Variants in PEX14 observed in about 807,000 individuals in gnomAD.
PEX14 encodes peroxisomal membrane protein PEX14.
Under a neutral mutation model 49.5 loss-of-function variants are expected in PEX14, and 15 were observed. That is an observed-to-expected ratio of 0.30 (90% CI 0.20 to 0.47). The LOEUF is 0.47. PEX14 is among the 20% of genes least tolerant of loss of function. The pLI is 1.00. For synonymous variants in PEX14, 210 were observed against 212.7 expected, an observed-to-expected ratio of 0.99 and a Z score of 0.11; for missense variants, 398 against 494.8, an observed-to-expected ratio of 0.80 and a Z score of 1.86.
chr1:10,576,898 A>T (rs4617401), intron 3 of PEX14, among the ~76,000 whole-genome samples: 93,102 of 151,470 alleles, frequency 0.61, 29,905 homozygotes, highest in Admixed American at 0.7. Flanking sequence ...CTGGGATTAC[A>T]GGTGCCACCA....
intron 2 of PEX14, chr1:10,535,795 G>T: frequency 3.0e-6 from 1 of 337,548 alleles, no homozygotes; most frequent in East Asian, 7.7e-5. Flanking sequence ...GTGTGTGTGC[G>T]TGTGTACGTG....
At chr1:10,581,305 C>CTTT (rs71583884) in intron 3 of PEX14, among the ~76,000 whole-genome samples, 16,268 of 126,774 alleles carry the variant, frequency 0.13, 1,550 homozygotes, top group African/African-American at 0.23. Flanking sequence ...CTTTGTTATC[C>CTTT]TTTTTTTTTT....
chr1:10,613,841 G>C lies in PEX14; in HGVS notation c.299-4491G>C, dbSNP rs1025723378. ...ACTTGCTACCTTGTCTGCCTTGTCTGCATGGCAGGCCAGTCCCTGCTTCCA... is the reference window on the plus strand; with the variant it reads ...ACTTGCTACCTTGTCTGCCTTGTCTCCATGGCAGGCCAGTCCCTGCTTCCA... On this transcript the variant is annotated intron_variant, in intron 4 of 8. Transcript: ENST00000356607. This position sits in a 1 kb window ranked among gnomAD's most constrained non-coding sequence, Gnocchi z 5.0. 7.2e-5 allele frequency among the ~76,000 whole-genome samples: 11 copies of C among 152,332 alleles called. No individual in the cohort carries two copies. Among genetic ancestry groups the C allele is most frequent in the African/African-American group, 2.6e-4 (11 of 41,586 alleles).
At chr1:10,577,307 G>C (rs896743849) in intron 3 of PEX14, among the ~76,000 whole-genome samples, 2 of 143,058 alleles carry the variant, frequency 1.4e-5, no homozygotes, top group Non-Finnish European at 3.0e-5. Flanking sequence ...TGAGGCAGGA[G>C]AATTGCTTGA....
chr1:10,587,212 T>C (rs564744847), intron 3 of PEX14, among the ~76,000 whole-genome samples: 64 of 152,256 alleles, frequency 4.2e-4, no homozygotes, highest in African/African-American at 1.5e-3. Context: ...ATCCCAGCAC[T>C]TTGGGAGGCC....
At chr1:10,621,885 G>A (rs961058555) in intron 5 of PEX14, among the ~76,000 whole-genome samples, 7 of 152,118 alleles carry the variant, frequency 4.6e-5, no homozygotes, top group South Asian at 4.1e-4. Context: ...TACAGAAACC[G>A]TAATGGAGAA....
intron 5 of PEX14, among the ~76,000 whole-genome samples, chr1:10,619,695 A>G (rs2124634910): frequency 6.6e-6 from 1 of 152,354 alleles, no homozygotes; most frequent in South Asian, 2.1e-4. Context: ...ATGGTCAGCC[A>G]TGGTATTCCA....
In PEX14 at chr1:10,577,548, ATATATATATATATATTTTTTTTTTTTT is replaced by A. The variant is rs1640167113; in HGVS notation, c.170-21688_170-21662del. Among the ~76,000 whole-genome samples the A allele has an allele frequency of 4.0e-4, 3 of 7,572 alleles. 1 individual carries two copies. The highest frequency in any genetic ancestry group is 0.05 in the Middle Eastern group (2 of 40). The allele number at this position is 7,572 out of a possible 152,430, so 5.0% of individuals were successfully genotyped here. A position where few individuals can be genotyped will look rare whatever the true frequency, so the allele number is the denominator to read the frequency against. On this transcript the variant is annotated intron_variant, in intron 3 of 8. Coordinates refer to ENST00000356607, the MANE Select transcript of PEX14 (RefSeq NM_004565.3). ...ACTATACATATATATATATATATATATATATATATATATATTTTTTTTTTTTTTTTTTTTTTTTTTTTTTTTTTTTTT... is the reference window on the plus strand; with the variant it reads ...ACTATACATATATATATATATATATATTTTTTTTTTTTTTTTTTTTTTTTT...
intron 2 of PEX14, among the ~76,000 whole-genome samples, chr1:10,527,615 G>C (rs941952202): frequency 5.9e-5 from 9 of 151,424 alleles, no homozygotes; most frequent in African/African-American, 2.2e-4. Flanking sequence ...TTTAGCATTA[G>C]GTCATTCTCT....
intron 3 of PEX14, among the ~76,000 whole-genome samples, chr1:10,554,667 C>T (rs954443825): frequency 6.6e-6 from 1 of 151,954 alleles, no homozygotes; most frequent in African/African-American, 2.4e-5. Flanking sequence ...CCTGGTTTGG[C>T]GGTAAATTAT....
At chr1:10,608,399 C>T (rs1421574364) in intron 4 of PEX14, among the ~76,000 whole-genome samples, 1 of 152,176 alleles carries the variant, frequency 6.6e-6, no homozygotes, top group Non-Finnish European at 1.5e-5. Context: ...TGGTGGCTCA[C>T]ATCTGTAATC....
chr1:10,503,812 C>T (rs1641730572), intron 2 of PEX14, among the ~76,000 whole-genome samples: 1 of 152,114 alleles, frequency 6.6e-6, no homozygotes, highest in African/African-American at 2.4e-5. Context: ...CAGCTCACTG[C>T]AACCTCTGCC....
intron 3 of PEX14, among the ~76,000 whole-genome samples, chr1:10,584,811 A>G (rs1246519674): frequency 1.3e-5 from 2 of 152,232 alleles, no homozygotes; most frequent in Non-Finnish European, 2.9e-5. Context: ...GGCAGAGAGA[A>G]AATGATCTTA....
chr1:10,551,909 A>G (rs1639343859), intron 3 of PEX14, among the ~76,000 whole-genome samples: 1 of 151,850 alleles, frequency 6.6e-6, no homozygotes, highest in Non-Finnish European at 1.5e-5. Flanking sequence ...CTTGGCCAAC[A>G]TGGTGAAACC....
intron 3 of PEX14, among the ~76,000 whole-genome samples, chr1:10,541,076 A>G (rs1441040921): frequency 6.6e-6 from 1 of 152,210 alleles, no homozygotes; most frequent in African/African-American, 2.4e-5. Flanking sequence ...CAAATGCCCG[A>G]CACGGATTCG....
At chr1:10,612,785 A>T (rs929976502) in intron 4 of PEX14, among the ~76,000 whole-genome samples, 1 of 152,168 alleles carries the variant, frequency 6.6e-6, no homozygotes, top group Non-Finnish European at 1.5e-5. Flanking sequence ...CCAGGACCTT[A>T]CTGGGAGTGA....
At chr1:10,487,481 CTTTTTTTT>C (rs33968565) in intron 1 of PEX14, among the ~76,000 whole-genome samples, 2 of 86,756 alleles carry the variant, frequency 2.3e-5, no homozygotes, top group African/African-American at 4.4e-5. Context: ...TTCTTTCTTT[CTTTTTTTT>C]TTTTTTTTTT....
At chr1:10,599,435 T>C in intron 4 of PEX14, 69 bp downstream of exon 4, 5 of 1,560,818 alleles carry the variant, frequency 3.2e-6, no homozygotes, top group Non-Finnish European at 4.4e-6. Context: ...AGGGCAGTGT[T>C]CTGTATCTCC....
chr1:10,628,225 G>A lies in PEX14; in HGVS notation c.677+862G>A, dbSNP rs550894018. Among the ~76,000 whole-genome samples, 1 of 152,362 alleles carries A rather than the reference G, an allele frequency of 6.6e-6. No individual in the cohort carries two copies. The highest frequency in any genetic ancestry group is 1.9e-4 in the East Asian group (1 of 5,184). ...TGGGATTACAGGTGTGAGCCACTGT[G>A]CCTGGACTGTTCTGGTTTTTTAAAA... is the stretch of plus-strand genomic sequence containing the variant. On this transcript the variant is annotated intron_variant, in intron 8 of 8. Coordinates refer to ENST00000356607, the MANE Select transcript of PEX14 (RefSeq NM_004565.3). This position sits in a 1 kb window ranked among gnomAD's most constrained non-coding sequence, Gnocchi z 4.5.
Sources: gnomAD v4.1 joint callset for allele counts (sites outside exome capture counted in the v4.1 genomes callset) on GRCh38, gnomAD v4.1.1 for gene constraint, Gnocchi (gnomAD v3.1) non-coding constraint, MANE v1.5 for transcripts, NCBI Gene and HGNC (gene_info 2026-07-23, HGNC 2026-07-21) for gene names.